Variants in DMD observed in about 807,000 individuals in gnomAD.
DMD encodes the protein mutant dystrophin.
DMD carries 63 observed loss-of-function variants against 330.1 expected under a neutral mutation model. The ratio of observed to expected loss-of-function variants is 0.19; its 90% confidence interval spans 0.16 to 0.24. DMD has a LOEUF of 0.24. DMD is among the 10% of genes least tolerant of loss of function. DMD has a pLI of 1.00. For synonymous variants in DMD, 1,223 were observed against 959.8 expected, an observed-to-expected ratio of 1.27 and a Z score of -5.07; for missense variants, 3,344 against 2,684.1, an observed-to-expected ratio of 1.25 and a Z score of -5.43.
rs967127875 is a variant in DMD at position 32,287,027 on chromosome X, A to G, written c.6290+502T>C. Among the ~76,000 whole-genome samples, 4 of 111,356 alleles carry G rather than the reference A, an allele frequency of 3.6e-5. 1 individual carries two copies. The South Asian group carries it at 1.1e-3, about 32-fold the overall frequency. On this transcript the variant is annotated intron_variant, in intron 43 of 78. Transcript: ENST00000357033. ...TATTTCAATTAAGATAAAAAGAAACATGATTTTAAATCAACTTAACAAATT... is the reference window on the plus strand; with the variant it reads ...TATTTCAATTAAGATAAAAAGAAACGTGATTTTAAATCAACTTAACAAATT...
At chrX:32,244,993 T>C (rs2097227685) in intron 43 of DMD, among the ~76,000 whole-genome samples, 1 of 72,596 alleles carries the variant, frequency 1.4e-5, no homozygotes, top group Non-Finnish European at 2.5e-5. Context: ...ATTTTGGCTT[T>C]TGTTGCCATT....
chrX:32,759,485 G>A (rs953047700), intron 7 of DMD, among the ~76,000 whole-genome samples: 4 of 111,090 alleles, frequency 3.6e-5, no homozygotes, highest in African/African-American at 6.6e-5. Flanking sequence ...TCACTGCTCA[G>A]CAATATGCGG....
chrX:31,569,065 T>G (rs1189789141), intron 55 of DMD, among the ~76,000 whole-genome samples: 1 of 111,432 alleles, frequency 9.0e-6, no homozygotes, highest in Admixed American at 9.5e-5. Context: ...CTCTTAAGTA[T>G]TTTCTCTACA....
At chrX:31,619,767 G>C (rs936969431) in intron 55 of DMD, among the ~76,000 whole-genome samples, 4 of 111,761 alleles carry the variant, frequency 3.6e-5, no homozygotes, top group African/African-American at 1.3e-4. Flanking sequence ...TTAATGTAAT[G>C]GCAACATCCA....
At chrX:33,036,499 G>C (rs752312821) in intron 1 of DMD, among the ~76,000 whole-genome samples, 1 of 110,523 alleles carries the variant, frequency 9.0e-6, no homozygotes, top group Admixed American at 9.7e-5. Flanking sequence ...TATTAAAATA[G>C]TCTTGCAATT....
chrX:31,355,306 C>T (rs1921969), intron 60 of DMD, among the ~76,000 whole-genome samples: 43,016 of 110,688 alleles, frequency 0.39, 6,585 homozygotes, highest in Non-Finnish European at 0.48. Context: ...TGTGGAAATA[C>T]ACTGCTAGGC....
intron 44 of DMD, among the ~76,000 whole-genome samples, chrX:32,053,141 T>C (rs1320745668): frequency 9.0e-6 from 1 of 111,387 alleles, no homozygotes; most frequent in Non-Finnish European, 1.9e-5. Context: ...AAAGAAGGTG[T>C]AATAGTTAGG....
intron 51 of DMD, among the ~76,000 whole-genome samples, chrX:31,743,742 CAGT>C (rs2087567997): frequency 8.9e-6 from 1 of 111,915 alleles, no homozygotes; most frequent in South Asian, 3.7e-4. Context: ...TTACTATGCT[CAGT>C]ACCTGGGTGA....
intron 50 of DMD, among the ~76,000 whole-genome samples, chrX:31,803,985 C>T (rs1453546732): frequency 9.0e-6 from 1 of 111,224 alleles, no homozygotes. Context: ...AGGCGTGAGC[C>T]ACCGTGCCTG....
At chrX:31,770,364 C>T (rs1346226287) in intron 51 of DMD, among the ~76,000 whole-genome samples, 1 of 111,970 alleles carries the variant, frequency 8.9e-6, no homozygotes, top group African/African-American at 3.2e-5. Flanking sequence ...CCCCAGTCCT[C>T]TCTATTCAAC....
chrX:32,863,537 T>TACACATACAC (rs1557097974), intron 2 of DMD, among the ~76,000 whole-genome samples: 3 of 78,240 alleles, frequency 3.8e-5, no homozygotes, highest in Admixed American at 3.1e-4. Context: ...ATTGTGTTTA[T>TACACATACAC]ACACACACAC....
rs768977119 is a variant in DMD at position 32,464,616 on chromosome X, T to A, written c.3246A>T (p.Glu1082Asp). The change falls in exon 24 of 79, where the codon GAA becomes GAT. Residue 1082 changes from glutamate (E) to aspartate (D), a missense_variant. Glu to Asp is a conservative substitution (Grantham distance 45). Coordinates refer to ENST00000357033, the MANE Select transcript of DMD (RefSeq NM_004006.3). ...KEEWPALGDS[E>D]ILKKQLKQCR... The stretch of plus-strand genomic sequence containing the variant: ...ACTGTTTCAGCTGCTTTTTTAGAAT[T>A]TCTGAATCCCCAAGGGCAGGCCATT... 2 of 1,207,653 alleles carry A rather than the reference T, an allele frequency of 1.7e-6. No individual in the cohort carries two copies. Among genetic ancestry groups the A allele is most frequent in the African/African-American group, 3.5e-5 (2 of 57,107 alleles).
At chrX:31,862,893 T>G (rs1045578309) in intron 48 of DMD, among the ~76,000 whole-genome samples, 1 of 112,679 alleles carries the variant, frequency 8.9e-6, no homozygotes, top group Non-Finnish European at 1.9e-5. Flanking sequence ...CAAGTACCTC[T>G]GAAGATCGAG....
At chrX:31,434,418 GCACACACACA>G (rs10572572) in intron 60 of DMD, among the ~76,000 whole-genome samples, 3,471 of 77,994 alleles carry the variant, frequency 0.045, 164 homozygotes, top group African/African-American at 0.12. Context: ...CAGCGCGCGC[GCACACACACA>G]CACACACACA....
intron 2 of DMD, among the ~76,000 whole-genome samples, chrX:32,897,105 T>G (rs1450381582): frequency 1.8e-5 from 2 of 109,011 alleles, no homozygotes; most frequent in Non-Finnish European, 3.8e-5. Flanking sequence ...GTTTTTTTTA[T>G]TTTGCCTATT....
intron 29 of DMD, among the ~76,000 whole-genome samples, chrX:32,433,128 T>C (rs1423542921): frequency 3.6e-5 from 4 of 112,495 alleles, no homozygotes; most frequent in Non-Finnish European, 5.6e-5. Flanking sequence ...AATTTTATTT[T>C]AATTAGTCAG....
At chrX:32,013,391 T>G (rs2095732597) in intron 44 of DMD, among the ~76,000 whole-genome samples, 1 of 111,497 alleles carries the variant, frequency 9.0e-6, no homozygotes, top group South Asian at 3.7e-4. Context: ...AGCCAATTCA[T>G]CTTTCTTTTT....
intron 2 of DMD, among the ~76,000 whole-genome samples, chrX:32,940,474 C>A (rs1421388063): frequency 9.0e-6 from 1 of 111,007 alleles, no homozygotes; most frequent in Non-Finnish European, 1.9e-5. Context: ...GACACATAAA[C>A]CAATGGAACA....
At chrX:32,504,247 C>G (rs779822617) in intron 18 of DMD, among the ~76,000 whole-genome samples, 1 of 112,114 alleles carries the variant, frequency 8.9e-6, no homozygotes, top group Non-Finnish European at 1.9e-5. Context: ...GAAGTTTATA[C>G]TTTTGATGGT....
Sources: gnomAD v4.1 joint callset for allele counts (sites outside exome capture counted in the v4.1 genomes callset) on GRCh38, gnomAD v4.1.1 for gene constraint, MANE v1.5 for transcripts, NCBI Gene and HGNC (gene_info 2026-07-23, HGNC 2026-07-21) for gene names.